SNX6: variants seen among roughly 807,000 people sequenced by gnomAD.
The protein encoded by SNX6 is sorting nexin-6.
A neutral mutation model predicts 63.0 loss-of-function variants in SNX6; 34 were observed. The ratio of observed to expected loss-of-function variants is 0.54; its 90% CI spans 0.41 to 0.72. SNX6 has a LOEUF of 0.72. SNX6 is among the 30% of genes least tolerant of loss of function. SNX6 has a pLI of 0.00. For missense variants in SNX6, 398 were observed against 471.4 expected (o/e 0.84, Z 1.44); for synonymous variants, 170 against 164.2 (o/e 1.04, Z -0.27).
chr14:34,574,296 A>C (rs1881588637), intron 11 of SNX6, among the ~76,000 whole-genome samples: 1 of 151,010 alleles, frequency 6.6e-6, no homozygotes. Flanking sequence ...CAATCATGCC[A>C]CTGCACTCCA....
At chr14:34,593,567 TTC>T (rs1386704214) in intron 7 of SNX6, among the ~76,000 whole-genome samples, 4 of 150,732 alleles carry the variant, frequency 2.7e-5, no homozygotes, top group Admixed American at 6.7e-5. Flanking sequence ...CCCAGCTAAT[TTC>T]TTTTCTTTTT....
rs1374143947 is a variant in SNX6, at chr14:34,563,052, A to G, written c.*70T>C. The G allele has an allele frequency of 8.2e-6, 12 of 1,472,286 alleles. No homozygotes were observed. The highest frequency in any genetic ancestry group is 1.1e-5 in the Non-Finnish European group (12 of 1,058,772). 91.2% of individuals were successfully genotyped at this position (1,472,286 alleles called of 1,614,324 possible). ...TGTTTCCAGTGAGCATAAATGCTTA[A>G]CATCATTAAGAAAACAAAAATAAAA... On this transcript the variant is annotated 3_prime_UTR_variant, in exon 14 of 14. Transcript: ENST00000362031.
intron 7 of SNX6, 103 bp from the exon 8 acceptor site, chr14:34,593,253 A>G (rs973022349): frequency 1.3e-5 from 9 of 672,498 alleles, no homozygotes; most frequent in African/African-American, 5.5e-5. Context: ...GTAAAATAGC[A>G]TACCTATCCT....
intron 5 of SNX6, chr14:34,604,012 A>G: frequency 3.2e-6 from 2 of 631,190 alleles, no homozygotes; most frequent in Non-Finnish European, 4.2e-6. Context: ...TAATACCAGC[A>G]GTGAATCCCA....
At position 34,602,953 on chromosome 14, in the gene SNX6, C is replaced by G. The variant is rs1339988643; in HGVS notation, c.516+395G>C. Among the ~76,000 whole-genome samples the G allele has an allele frequency of 3.5e-5, 5 of 141,884 alleles. No homozygotes were observed. The East Asian group carries it at 1.0e-3, about 29-fold the overall frequency. The allele number at this position is 141,884 out of a possible 152,430, so 93.1% of individuals were successfully genotyped here. A position where few individuals can be genotyped will look rare whatever the true frequency, so the allele number is the denominator to read the frequency against. On this transcript the variant is annotated intron_variant, in intron 6 of 13. Coordinates refer to ENST00000362031, the MANE Select transcript of SNX6 (RefSeq NM_152233.4). ...ATGACGCCACTGCACTCCAGCCTGG[C>G]TGACAGAGCGAGACTCCGTCTCAAA...
intron 2 of SNX6, among the ~76,000 whole-genome samples, chr14:34,614,799 C>G (rs1594746037): frequency 6.6e-6 from 1 of 152,162 alleles, no homozygotes; most frequent in Non-Finnish European, 1.5e-5. Context: ...TTTGTAGTCT[C>G]TGCTACTCAG....
At chr14:34,602,704 C>T (rs954759434) in intron 6 of SNX6, among the ~76,000 whole-genome samples, 7 of 151,988 alleles carry the variant, frequency 4.6e-5, no homozygotes, top group Non-Finnish European at 8.8e-5. Context: ...GGGCCGGGCA[C>T]GGTGGCTTAT....
intron 2 of SNX6, among the ~76,000 whole-genome samples, chr14:34,624,583 G>GTCAGA (rs201562951): frequency 0.021 from 3,185 of 152,002 alleles, 110 homozygotes; most frequent in African/African-American, 0.069. Flanking sequence ...GGATCATGAA[G>GTCAGA]TCAAGAGATC....
intron 2 of SNX6, among the ~76,000 whole-genome samples, chr14:34,611,354 T>C (rs562757733): frequency 2.0e-4 from 31 of 152,214 alleles, no homozygotes; most frequent in East Asian, 5.8e-4. Flanking sequence ...TGTACACCTG[T>C]AGTCCCAGCT....
intron 9 of SNX6, among the ~76,000 whole-genome samples, chr14:34,582,635 T>G (rs967573036): frequency 6.6e-6 from 1 of 152,072 alleles, no homozygotes; most frequent in Non-Finnish European, 1.5e-5. Context: ...AACCTCCACC[T>G]CCTGGGTTCA....
intron 5 of SNX6, 131 bp downstream of exon 5, chr14:34,605,465 A>T: frequency 1.4e-6 from 1 of 701,292 alleles, no homozygotes; most frequent in Non-Finnish European, 2.3e-6. Flanking sequence ...GTATGACTTA[A>T]ACCTGCATCT....
In SNX6 at chr14:34,567,743, A is replaced by C. The variant is rs762750251; in HGVS notation, c.1110T>G (p.Val370=). The change falls in exon 13 of 14, where the codon GTT becomes GTG. Residue 370 remains valine (V), a synonymous_variant. Coordinates refer to ENST00000362031, the MANE Select transcript of SNX6 (RefSeq NM_152233.4). ...CCACTAAATTTTTTCTGAATGCAGC[A>C]ACTCTTCTTGTCTTAAAATCTATAA... ...QELIDFKTRR[V]AAFRKNLVEL... is the part of the protein sequence containing the mutation. 1 of 1,613,920 alleles carries C rather than the reference A, an allele frequency of 6.2e-7. No homozygotes were observed. Among genetic ancestry groups the C allele is most frequent in the Non-Finnish European group, 8.5e-7 (1 of 1,179,830 alleles).
At position 34,619,149 on chromosome 14, in the gene SNX6, C is replaced by T. The variant is rs561548927; in HGVS notation, c.55-9407G>A. On this transcript the variant is annotated intron_variant, in intron 2 of 13. Coordinates refer to ENST00000362031, the MANE Select transcript of SNX6 (RefSeq NM_152233.4). ...TAGAAGTAAAATTTGATTGGCCAGG[C>T]GCAGTGGCTTATGCCTGTAATCCCA... 6.4e-4 allele frequency among the ~76,000 whole-genome samples: 97 copies of T among 152,228 alleles called. 1 individual carries two copies. Among genetic ancestry groups the T allele is most frequent in the South Asian group, 3.3e-3 (16 of 4,824 alleles).
intron 6 of SNX6, among the ~76,000 whole-genome samples, chr14:34,601,899 G>C (rs115739397): frequency 0.018 from 2,706 of 152,046 alleles, 74 homozygotes; most frequent in African/African-American, 0.061. Context: ...ACCATGCCTG[G>C]CTAGTAACAT....
At chr14:34,599,737 G>A (rs1026162216) in intron 6 of SNX6, among the ~76,000 whole-genome samples, 2 of 143,536 alleles carry the variant, frequency 1.4e-5, no homozygotes, top group Non-Finnish European at 3.0e-5. Context: ...TCACACCACT[G>A]TACTCCAGCC....
intron 7 of SNX6, among the ~76,000 whole-genome samples, chr14:34,595,577 T>C: frequency 6.6e-6 from 1 of 152,238 alleles, no homozygotes; most frequent in East Asian, 1.9e-4. Flanking sequence ...ATCAAAATTA[T>C]AATCAACATA....
chr14:34,609,578 A>G, intron 3 of SNX6, 60 bp downstream of exon 3: 3 of 953,006 alleles, frequency 3.1e-6, no homozygotes, highest in Non-Finnish European at 4.8e-6. Context: ...TCTGGTCAAC[A>G]TATCACATAT....
intron 6 of SNX6, among the ~76,000 whole-genome samples, chr14:34,601,013 C>CA (rs1264761564): frequency 0.025 from 3,009 of 120,980 alleles, 62 homozygotes; most frequent in African/African-American, 0.077. Flanking sequence ...GACTCTGCCT[C>CA]AAAAAAAAAA....
At chr14:34,600,442 T>TC (rs1491481933) in intron 6 of SNX6, among the ~76,000 whole-genome samples, 2 of 150,150 alleles carry the variant, frequency 1.3e-5, no homozygotes, top group African/African-American at 4.9e-5. Flanking sequence ...TTCTTCTTCT[T>TC]CTTTTTTTTT....
Sources: allele counts gnomAD v4.1 joint callset (sites outside exome capture counted in the v4.1 genomes callset), GRCh38; gene constraint gnomAD v4.1.1; transcripts MANE v1.5; gene names NCBI Gene and HGNC (gene_info 2026-07-23, HGNC 2026-07-21).